Variants in NRG3 observed in about 807,000 individuals in gnomAD.
The protein encoded by NRG3 is neuregulin 3, also known as pro-neuregulin-3, membrane-bound isoform.
NRG3 carries 31 observed loss-of-function variants against 66.9 expected under a neutral mutation model. The observed-to-expected ratio is 0.46, with a 90% CI of 0.35 to 0.63. The LOEUF (loss-of-function observed/expected upper bound fraction) is 0.63, where lower values mean the gene tolerates loss of function less well. Among genes scored for constraint, NRG3 ranks in the 20% least tolerant of loss-of-function variants. NRG3 has a pLI of 0.00. For missense variants in NRG3, 910 were observed against 878.9 expected (o/e 1.04, Z -0.45); for synonymous variants, 393 against 359.4 (o/e 1.09, Z -1.06).
chr10:82,362,204 G>C (rs1564839623), intron 2 of NRG3, among the ~76,000 whole-genome samples: 1 of 147,042 alleles, frequency 6.8e-6, no homozygotes. Flanking sequence ...AGAAACACTT[G>C]TGGTACCAGT....
intron 2 of NRG3, among the ~76,000 whole-genome samples, chr10:82,731,555 AATGCCTTCCAGTTT>A (rs113404939): frequency 0.087 from 13,285 of 152,062 alleles, 706 homozygotes; most frequent in Middle Eastern, 0.18. Context: ...CACTTAACAT[AATGCCTTCCAGTTT>A]CATTCATGTT....
In NRG3 at chr10:82,093,124, C is replaced by T. The variant is rs150008807; in HGVS notation, c.823+216961C>T. ...CATGCACACCAGGCAGCATGCTTTA[C>T]CTATATCATTTCATTCATGCACTCT... On this transcript the variant is annotated intron_variant, in intron 1 of 8. Coordinates refer to ENST00000372141, the MANE Select transcript of NRG3 (RefSeq NM_001010848.4). Among the ~76,000 whole-genome samples the T allele has an allele frequency of 3.3e-3, 502 of 152,256 alleles. 6 individuals carry two copies. The highest frequency in any genetic ancestry group is 0.012 in the African/African-American group (478 of 41,550).
intron 2 of NRG3, among the ~76,000 whole-genome samples, chr10:82,408,148 GAA>G (rs1554911360): frequency 3.0e-5 from 4 of 134,200 alleles, no homozygotes; most frequent in Admixed American, 7.5e-5. Context: ...AGAAAGAAAA[GAA>G]AAAGAAAAGT....
intron 2 of NRG3, among the ~76,000 whole-genome samples, chr10:82,476,587 G>T (rs893967270): frequency 2.0e-5 from 3 of 152,180 alleles, no homozygotes; most frequent in Non-Finnish European, 4.4e-5. Flanking sequence ...ATTATGCTAA[G>T]TAAAACAAAC....
At chr10:82,548,565 ACG>A (rs1040529834) in intron 2 of NRG3, among the ~76,000 whole-genome samples, 5 of 151,288 alleles carry the variant, frequency 3.3e-5, no homozygotes, top group Admixed American at 2.6e-4. Context: ...ACACACGCAC[ACG>A]CACAATCCAG....
chr10:82,392,590 T>A (rs2086452862), intron 2 of NRG3, among the ~76,000 whole-genome samples: 1 of 152,214 alleles, frequency 6.6e-6, no homozygotes, highest in Admixed American at 6.5e-5. Context: ...TAGTTAACTC[T>A]TATTTCCTCA....
In NRG3 at chr10:82,493,056, G is replaced by A. The variant is rs564049990; in HGVS notation, c.953+134188G>A. 5.3e-5 allele frequency among the ~76,000 whole-genome samples: 8 copies of A among 152,214 alleles called. 1 individual carries two copies. In the South Asian group the frequency reaches 6.2e-4, roughly 12 times the overall value. ...GACTTCAGTGCTCTCTGGAACAAGC[G>A]CAGTCCAGGTGCCTGTGTGTGGAGA... On this transcript the variant is annotated intron_variant, in intron 2 of 8. Transcript: ENST00000372141.
At chr10:82,008,672 A>G (rs2061465549) in intron 1 of NRG3, among the ~76,000 whole-genome samples, 2 of 152,038 alleles carry the variant, frequency 1.3e-5, no homozygotes, top group African/African-American at 4.8e-5. Context: ...CTCTGGATCC[A>G]TTTCTGGTAG....
chr10:82,804,102 G>C (rs1460491776), intron 3 of NRG3, among the ~76,000 whole-genome samples: 1 of 152,118 alleles, frequency 6.6e-6, no homozygotes, highest in African/African-American at 2.4e-5. Context: ...CTGTGCTAGT[G>C]TCCAAGTAAC....
At chr10:82,576,711 A>T (rs1383631) in intron 2 of NRG3, among the ~76,000 whole-genome samples, 12,529 of 151,794 alleles carry the variant, frequency 0.083, 612 homozygotes, top group East Asian at 0.15. Context: ...TCTTTACTGT[A>T]ATTGCTGAAA....
intron 2 of NRG3, among the ~76,000 whole-genome samples, chr10:82,539,580 A>G (rs1230459872): frequency 1.3e-5 from 2 of 152,124 alleles, no homozygotes; most frequent in South Asian, 4.1e-4. Context: ...ATTTTTTTCA[A>G]TCTAAGATCC....
intron 2 of NRG3, among the ~76,000 whole-genome samples, chr10:82,736,968 G>A (rs1469550768): frequency 1.3e-5 from 2 of 152,166 alleles, no homozygotes; most frequent in African/African-American, 2.4e-5. Flanking sequence ...ACCATGGTAC[G>A]ATAATTCTGA....
At chr10:82,049,371 T>C (rs2063479522) in intron 1 of NRG3, among the ~76,000 whole-genome samples, 1 of 152,096 alleles carries the variant, frequency 6.6e-6, no homozygotes. Context: ...ACTCCTCATA[T>C]ATTGCTTTGG....
At chr10:81,918,978 C>CACACACACACATACAT (rs1845980006) in intron 1 of NRG3, among the ~76,000 whole-genome samples, 1 of 150,568 alleles carries the variant, frequency 6.6e-6, no homozygotes, top group African/African-American at 2.5e-5. Flanking sequence ...TAACAAAACA[C>CACACACACACATACAT]ACACACACAC....
intron 4 of NRG3, among the ~76,000 whole-genome samples, chr10:82,923,871 C>T (rs899029407): frequency 6.6e-5 from 10 of 151,492 alleles, no homozygotes; most frequent in Admixed American, 2.0e-4. Flanking sequence ...GTCAGGTGGG[C>T]GGGTTGCTTG....
intron 2 of NRG3, among the ~76,000 whole-genome samples, chr10:82,531,427 C>A (rs1434629378): frequency 6.6e-6 from 1 of 151,428 alleles, no homozygotes; most frequent in Non-Finnish European, 1.5e-5. Flanking sequence ...GCCTTTATTG[C>A]TATTATATAA....
At chr10:82,848,809 G>A (rs553148079) in intron 3 of NRG3, among the ~76,000 whole-genome samples, 25 of 152,212 alleles carry the variant, frequency 1.6e-4, no homozygotes, top group South Asian at 8.3e-4. Context: ...TAAGTCTCAC[G>A]AGATCTGAGG....
intron 2 of NRG3, among the ~76,000 whole-genome samples, chr10:82,666,349 G>A (rs1395247711): frequency 6.6e-6 from 1 of 152,036 alleles, no homozygotes; most frequent in Non-Finnish European, 1.5e-5. Context: ...TCCCTTGACT[G>A]TCTTAATGGA....
intron 1 of NRG3, among the ~76,000 whole-genome samples, chr10:82,075,786 A>G (rs2065058265): frequency 6.6e-6 from 1 of 152,146 alleles, no homozygotes; most frequent in Non-Finnish European, 1.5e-5. Flanking sequence ...AGGAAATGAC[A>G]TGTCTGGGGC....
Sources: allele counts gnomAD v4.1 joint callset (sites outside exome capture counted in the v4.1 genomes callset), GRCh38; gene constraint gnomAD v4.1.1; transcripts MANE v1.5; gene names NCBI Gene and HGNC (gene_info 2026-07-23, HGNC 2026-07-21).